The following ARID4B variants were observed in gnomAD, a reference collection of about 807,000 sequenced individuals.
ARID4B encodes the protein AT-rich interaction domain 4B.
In ARID4B, 26 loss-of-function variants were observed where a neutral mutation model predicts 147.5. That is an observed-to-expected ratio of 0.18 (90% confidence interval 0.13 to 0.24). The LOEUF is 0.24. ARID4B is among the 10% of genes least tolerant of loss of function. The pLI is 1.00. For synonymous variants in ARID4B, 512 were observed against 507.9 expected (o/e 1.01, Z -0.11); for missense variants, 1,179 against 1,511.5 (o/e 0.78, Z 3.65).
At chr1:235,301,276 G>A (rs1050456044) in intron 2 of ARID4B, among the ~76,000 whole-genome samples, 1 of 151,586 alleles carries the variant, frequency 6.6e-6, no homozygotes, top group East Asian at 2.0e-4. Flanking sequence ...GGTGGCTCAC[G>A]CCTGTTATCT....
chr1:235,326,150 TAAA>T (rs35263210), intron 2 of ARID4B, among the ~76,000 whole-genome samples: 1 of 145,556 alleles, frequency 6.9e-6, no homozygotes, highest in Non-Finnish European at 1.5e-5. Flanking sequence ...AGCATGTGTT[TAAA>T]AAAAAAAAAG....
chr1:235,172,976 A>AT (rs1392255566), intron 22 of ARID4B, among the ~76,000 whole-genome samples: 3 of 152,236 alleles, frequency 2.0e-5, no homozygotes, highest in Non-Finnish European at 4.4e-5. Context: ...ATGAATATGT[A>AT]CAGCATTAAA....
intron 19 of ARID4B, among the ~76,000 whole-genome samples, chr1:235,193,564 GC>G (rs959312518): frequency 3.2e-4 from 49 of 152,144 alleles, no homozygotes; most frequent in African/African-American, 1.2e-3. Context: ...AAGTAACAAT[GC>G]TAAAAGTTGA....
rs965280258 is a variant in ARID4B at position 235,216,800 on chromosome 1, T to G, written c.1584-2774A>C. ...TTTTATATAGTAAATTAAAACAATT[T>G]TTTTTTGAAAGAATACTTGCCTAAG... On this transcript the variant is annotated intron_variant, in intron 16 of 23. Coordinates refer to ENST00000264183, the MANE Select transcript of ARID4B (RefSeq NM_016374.6). Among the ~76,000 whole-genome samples, 194 of 152,186 alleles carry G rather than the reference T, an allele frequency of 1.3e-3. 1 individual carries two copies. Among genetic ancestry groups the G allele is most frequent in the African/African-American group, 4.6e-3 (190 of 41,538 alleles).
At chr1:235,269,312 A>G (rs1311996940) in intron 2 of ARID4B, among the ~76,000 whole-genome samples, 1 of 152,234 alleles carries the variant, frequency 6.6e-6, no homozygotes, top group African/African-American at 2.4e-5. Context: ...CTATCAAAAG[A>G]TGCTAAGCTG....
chr1:235,212,107 C>T (rs1006557281), intron 17 of ARID4B, among the ~76,000 whole-genome samples: 14 of 151,982 alleles, frequency 9.2e-5, no homozygotes, highest in African/African-American at 3.4e-4. Context: ...TAGCCAGGCA[C>T]AATGGTGGGC....
At chr1:235,236,855 TATATATA>T (rs1414452814) in intron 8 of ARID4B, among the ~76,000 whole-genome samples, 5 of 43,902 alleles carry the variant, frequency 1.1e-4, no homozygotes, top group Non-Finnish European at 1.8e-4. Context: ...TATATATATA[TATATATA>T]TTTTTTTTTT....
At chr1:235,189,452 A>G (rs1664933206) in intron 19 of ARID4B, among the ~76,000 whole-genome samples, 1 of 151,890 alleles carries the variant, frequency 6.6e-6, no homozygotes, top group Non-Finnish European at 1.5e-5. Flanking sequence ...ATTACAGCAA[A>G]AAGTCAACAA....
chr1:235,244,283 A>G (rs1308766750), intron 7 of ARID4B, among the ~76,000 whole-genome samples: 1 of 152,186 alleles, frequency 6.6e-6, no homozygotes, highest in East Asian at 1.9e-4. Flanking sequence ...CTGCTTTCCT[A>G]TTGTAGCAGT....
At position 235,229,304 on chromosome 1, in the gene ARID4B, C is replaced by G; in HGVS notation, c.824G>C (p.Ser275Thr). 1 of 1,613,626 alleles carries G rather than the reference C, an allele frequency of 6.2e-7. No individual in the cohort carries two copies. Among genetic ancestry groups the G allele is most frequent in the Non-Finnish European group, 8.5e-7 (1 of 1,179,810 alleles). Residue 275 changes from serine (S) to threonine (T), a missense_variant, in exon 11 of 24, where the codon AGC (serine) becomes ACC (threonine). This residue lies in a region of ARID4B where 159 missense variants were observed against 190.5 expected (regional missense o/e 0.83). Transcript: ENST00000264183. Reference protein sequence around the residue: ...WKTELKEDSSSSEAEEEEEEE... With the variant: ...WKTELKEDSSTSEAEEEEEEE... ...CTCCTCTTCTTCCTCTGCTTCACTG[C>G]TAGAGCTATCTTCTTTCAATTCAGT...
At position 235,182,528 on chromosome 1, in the gene ARID4B, T is replaced by C; in HGVS notation, c.2391A>G (p.Glu797=). The change falls in exon 20 of 24, where the codon GAA becomes GAG. Residue 797 remains glutamate, a synonymous_variant. Transcript: ENST00000264183. Reference sequence around the variant, plus strand: ...CCTTTCTCTTTTTTGTGACTTCATCTTCTTCATAATCAGTATCTTCGGATA... The same window carrying C: ...CCTTTCTCTTTTTTGTGACTTCATCCTCTTCATAATCAGTATCTTCGGATA... ...EVLSEDTDYE[E]DEVTKKRKDV... 1 of 1,613,008 alleles carries C rather than the reference T, an allele frequency of 6.2e-7. No homozygotes were observed. Among genetic ancestry groups the C allele is most frequent in the Non-Finnish European group, 8.5e-7 (1 of 1,179,814 alleles).
At chr1:235,173,719 C>G (rs1571889509) in intron 22 of ARID4B, among the ~76,000 whole-genome samples, 1 of 89,120 alleles carries the variant, frequency 1.1e-5, no homozygotes, top group African/African-American at 4.2e-5. Flanking sequence ...GCCTGGGCAA[C>G]ATAATGAGAC....
chr1:235,309,357 G>A (rs557513010), intron 2 of ARID4B, among the ~76,000 whole-genome samples: 6 of 147,418 alleles, frequency 4.1e-5, no homozygotes, highest in African/African-American at 1.0e-4. Context: ...CCCTCCGCCC[G>A]GCAACCACCC....
At chr1:235,268,690 A>G (rs1319648180) in intron 2 of ARID4B, among the ~76,000 whole-genome samples, 2 of 151,994 alleles carry the variant, frequency 1.3e-5, no homozygotes, top group African/African-American at 4.8e-5. Flanking sequence ...CACCATGTCC[A>G]GCTAATTAGT....
intron 3 of ARID4B, among the ~76,000 whole-genome samples, chr1:235,259,926 C>T (rs1670196611): frequency 6.6e-6 from 1 of 152,200 alleles, no homozygotes; most frequent in South Asian, 2.1e-4. Flanking sequence ...AGGTCAATCT[C>T]ATCCTAATAT....
intron 1 of ARID4B, chr1:235,327,541 CCCGGGCCCCCGACCGCGG>C (rs1455533276): frequency 1.3e-5 from 2 of 152,232 alleles, no homozygotes; most frequent in African/African-American, 4.8e-5. Context: ...CCCCACCCTG[CCCGGGCCCCCGACCGCGG>C]CCGCTAAACC....
At chr1:235,321,673 A>AT (rs1349857367) in intron 2 of ARID4B, among the ~76,000 whole-genome samples, 2 of 151,748 alleles carry the variant, frequency 1.3e-5, no homozygotes, top group Non-Finnish European at 2.9e-5. Flanking sequence ...TATTTTTTGT[A>AT]TTTTTTTAGT....
intron 2 of ARID4B, among the ~76,000 whole-genome samples, chr1:235,296,701 C>A (rs1244410037): frequency 2.0e-5 from 3 of 149,964 alleles, no homozygotes; most frequent in African/African-American, 7.4e-5. Context: ...CTCAAGTGAT[C>A]CGCCCACCTC....
chr1:235,234,521 A>G (rs768384798), intron 8 of ARID4B, 29 bp from the exon 9 acceptor site: 1 of 1,450,266 alleles, frequency 6.9e-7, no homozygotes, highest in South Asian at 1.2e-5. Context: ...AAGCTATTAT[A>G]ACTAAAAGAA....
Sources: allele counts gnomAD v4.1 joint callset (sites outside exome capture counted in the v4.1 genomes callset), GRCh38; gene constraint gnomAD v4.1.1; regional missense constraint gnomAD v4.1.1; transcripts MANE v1.5; gene names NCBI Gene and HGNC (gene_info 2026-07-23, HGNC 2026-07-21).